EHBP1: variants seen among roughly 807,000 people sequenced by gnomAD.
EHBP1 encodes the protein EH domain-binding protein 1.
Under a neutral mutation model 144.0 loss-of-function variants are expected in EHBP1, and 55 were observed. The ratio of observed to expected loss-of-function variants is 0.38; its 90% CI spans 0.31 to 0.48. The LOEUF (loss-of-function observed/expected upper bound fraction) is 0.48. EHBP1 is among the 20% of genes least tolerant of loss of function. The probability of loss-of-function intolerance (pLI) is 0.98; values close to 1 mark genes in which losing one functional copy is unlikely to be tolerated. For missense variants in EHBP1, 1,200 were observed against 1,364.2 expected (o/e 0.88, Z 1.90); for synonymous variants, 469 against 472.7 (o/e 0.99, Z 0.10).
intron 5 of EHBP1, among the ~76,000 whole-genome samples, chr2:62,784,617 AAGT>A (rs1235251781): frequency 2.0e-5 from 3 of 152,164 alleles, no homozygotes. Context: ...AGACTTTTAA[AAGT>A]TCACTCACCA....
chr2:62,846,923 C>T lies in EHBP1; in HGVS notation c.635-12246C>T, dbSNP rs367896720. ...TTTTTCCTCAAATCAATCTGTAAATCCAACTCAATGCCAGTCATAATCCTA... is the reference window on the plus strand; with the variant it reads ...TTTTTCCTCAAATCAATCTGTAAATTCAACTCAATGCCAGTCATAATCCTA... On this transcript the variant is annotated intron_variant, in intron 7 of 22. Coordinates refer to ENST00000431489, the MANE Select transcript of EHBP1 (RefSeq NM_001142616.3). 5.3e-4 allele frequency among the ~76,000 whole-genome samples: 80 copies of T among 152,222 alleles called. No homozygotes were observed. In the South Asian group the frequency reaches 7.9e-3, roughly 15 times the overall value.
intron 7 of EHBP1, among the ~76,000 whole-genome samples, chr2:62,838,321 T>C (rs899920346): frequency 6.6e-6 from 1 of 152,226 alleles, no homozygotes; most frequent in East Asian, 1.9e-4. Flanking sequence ...TACCACAATC[T>C]CTGGGACACA....
At chr2:62,950,929 C>T (rs982030806) in intron 13 of EHBP1, among the ~76,000 whole-genome samples, 12 of 152,212 alleles carry the variant, frequency 7.9e-5, no homozygotes, top group African/African-American at 2.9e-4. Context: ...AGGTGATCCA[C>T]CCGCCTTGGC....
chr2:62,739,165 A>C (rs550834487), intron 2 of EHBP1, among the ~76,000 whole-genome samples: 1 of 152,302 alleles, frequency 6.6e-6, no homozygotes, highest in African/African-American at 2.4e-5. Context: ...AACCAGAAAA[A>C]AGTTGTCTTC....
intron 5 of EHBP1, among the ~76,000 whole-genome samples, chr2:62,803,234 CAA>C (rs35240136): frequency 4.4e-4 from 53 of 121,564 alleles, no homozygotes; most frequent in Non-Finnish European, 5.5e-4. Context: ...GACCCTGTCT[CAA>C]AAAAAAAAAA....
intron 7 of EHBP1, among the ~76,000 whole-genome samples, chr2:62,857,309 T>C (rs190724577): frequency 2.6e-4 from 39 of 152,350 alleles, no homozygotes; most frequent in Non-Finnish European, 3.7e-4. Context: ...TTTGTGTCTC[T>C]ATAGATCGTA....
chr2:63,004,976 A>C (rs2059980639), intron 19 of EHBP1, among the ~76,000 whole-genome samples: 2 of 152,112 alleles, frequency 1.3e-5, no homozygotes, highest in African/African-American at 4.8e-5. Flanking sequence ...GGTGGTCCAC[A>C]GAGTTCCCCT....
chr2:62,726,231 C>A (rs1459283481), intron 2 of EHBP1, among the ~76,000 whole-genome samples: 1 of 152,208 alleles, frequency 6.6e-6, no homozygotes, highest in African/African-American at 2.4e-5. Flanking sequence ...CTAAGCAGCT[C>A]TCCCTGCCAA....
chr2:62,707,830 T>C (rs75768872), intron 2 of EHBP1, among the ~76,000 whole-genome samples: 14,128 of 152,260 alleles, frequency 0.093, 859 homozygotes, highest in Non-Finnish European at 0.13. Context: ...ATTCTTTTGT[T>C]AAATGCTTAC....
intron 14 of EHBP1, among the ~76,000 whole-genome samples, chr2:62,959,173 C>T (rs2057871936): frequency 6.6e-6 from 1 of 152,194 alleles, no homozygotes; most frequent in South Asian, 2.1e-4. Flanking sequence ...ATAATGTCAT[C>T]AAGGCTCATC....
At chr2:62,759,924 A>G (rs1429471496) in intron 3 of EHBP1, among the ~76,000 whole-genome samples, 1 of 152,072 alleles carries the variant, frequency 6.6e-6, no homozygotes, top group Non-Finnish European at 1.5e-5. Flanking sequence ...TCCACTTTGA[A>G]TGTCCTTGGT....
chr2:62,747,548 G>T, intron 3 of EHBP1, 96 bp downstream of exon 3: 7 of 965,804 alleles, frequency 7.2e-6, no homozygotes, highest in South Asian at 3.4e-5. Flanking sequence ...ATTACTTGAT[G>T]TTTTGTTTTT....
chr2:62,769,863 G>A (rs1001766535), intron 4 of EHBP1, among the ~76,000 whole-genome samples: 5 of 149,628 alleles, frequency 3.3e-5, no homozygotes, highest in African/African-American at 4.9e-5. Context: ...CAGAAACAAG[G>A]CCACACACCT....
At chr2:62,830,019 C>A (rs1461561268) in intron 6 of EHBP1, among the ~76,000 whole-genome samples, 2 of 150,786 alleles carry the variant, frequency 1.3e-5, no homozygotes, top group Admixed American at 6.6e-5. Context: ...TAAGTTATTA[C>A]AGGAAAAAGA....
chr2:62,876,090 C>G (rs1390624585), intron 10 of EHBP1, among the ~76,000 whole-genome samples: 3 of 152,178 alleles, frequency 2.0e-5, no homozygotes, highest in African/African-American at 7.2e-5. Flanking sequence ...ATTTCCCCAT[C>G]CTTGCTAGAG....
chr2:63,020,185 G>T (rs756704107), intron 19 of EHBP1, among the ~76,000 whole-genome samples: 1 of 151,936 alleles, frequency 6.6e-6, no homozygotes, highest in African/African-American at 2.4e-5. Context: ...TTAGCCAGGC[G>T]TGTTGGCAGG....
intron 1 of EHBP1, among the ~76,000 whole-genome samples, chr2:62,679,005 C>T (rs1217126460): frequency 6.6e-6 from 1 of 152,058 alleles, no homozygotes; most frequent in Non-Finnish European, 1.5e-5. Context: ...ATACAGAGAA[C>T]CCTGAGTCTT....
rs748632795 is a variant in EHBP1 at position 62,831,121 on chromosome 2, C to G, written c.597C>G (p.Asn199Lys). ...AAGATAATGAAGATGATGATGAGAA[C>G]AGAGTGAACCAAGAAGAAAAGGCAG... is the stretch of plus-strand genomic sequence containing the variant. The part of the protein sequence containing the change: ...FEEDNEDDDE[N>K]RVNQEEKAAK... Residue 199 changes from asparagine (N) to lysine (K), a missense_variant, in exon 7 of 23, where the codon AAC becomes AAG. Coordinates refer to ENST00000431489, the MANE Select transcript of EHBP1 (RefSeq NM_001142616.3). 8.7e-6 allele frequency: 14 copies of G among 1,603,150 alleles called. No individual in the cohort carries two copies. The highest frequency in any genetic ancestry group is 1.1e-5 in the Non-Finnish European group (13 of 1,177,176).
rs184536557 is a variant in EHBP1, at chr2:62,754,969, A to G, written c.162+7517A>G. On this transcript the variant is annotated intron_variant, in intron 3 of 22. Coordinates refer to ENST00000431489, the MANE Select transcript of EHBP1 (RefSeq NM_001142616.3). ...GCAATGCCTTGCCCTGCTTCGGCTC[A>G]TGCTCGATGGGCTGCACCCACTGTC... Among the ~76,000 whole-genome samples the G allele has an allele frequency of 5.9e-3, 897 of 152,284 alleles. 7 individuals carry two copies. The highest frequency in any genetic ancestry group is 1.0e-2 in the Non-Finnish European group (680 of 68,020).
Sources: allele counts gnomAD v4.1 joint callset (sites outside exome capture counted in the v4.1 genomes callset), GRCh38; gene constraint gnomAD v4.1.1; transcripts MANE v1.5; gene names NCBI Gene and HGNC (gene_info 2026-07-23, HGNC 2026-07-21).